Variants in EIF4ENIF1 observed in about 807,000 individuals in gnomAD.
EIF4ENIF1 encodes eukaryotic translation initiation factor 4E nuclear import factor 1.
EIF4ENIF1 carries 23 observed loss-of-function variants against 110.5 expected under a neutral mutation model. The observed-to-expected ratio is 0.21, with a 90% CI of 0.15 to 0.29. The LOEUF is 0.29. EIF4ENIF1 is among the 10% of genes least tolerant of loss of function. The pLI, the probability that EIF4ENIF1 is intolerant of heterozygous loss-of-function variation, is 1.00. For synonymous variants in EIF4ENIF1, 440 were observed against 437.0 expected (o/e 1.01, Z -0.09); for missense variants, 1,031 against 1,221.1 (o/e 0.84, Z 2.32).
intron 6 of EIF4ENIF1, among the ~76,000 whole-genome samples, chr22:31,462,382 C>G (rs2051024103): frequency 6.6e-6 from 1 of 151,824 alleles, no homozygotes; most frequent in East Asian, 2.0e-4. Context: ...ACTCGGGAGG[C>G]TGAGGCAGGG....
chr22:31,483,986 A>C (rs2051924707), intron 2 of EIF4ENIF1, among the ~76,000 whole-genome samples: 1 of 152,216 alleles, frequency 6.6e-6, no homozygotes, highest in African/African-American at 2.4e-5. Context: ...CTCTAACTTG[A>C]GGTCCTAAAA....
chr22:31,454,692 C>T (rs1728707274), intron 9 of EIF4ENIF1, among the ~76,000 whole-genome samples: 1 of 152,164 alleles, frequency 6.6e-6, no homozygotes, highest in South Asian at 2.1e-4. Flanking sequence ...AGACTTGTTA[C>T]CTGGGACAAG....
Position 31,463,012 on chromosome 22 carries a change from G to A in EIF4ENIF1, c.707C>T (p.Thr236Ile). The change falls in exon 6 of 19, where the codon ACT becomes ATT. Residue 236 changes from threonine to isoleucine, a missense_variant. Coordinates refer to ENST00000330125, the MANE Select transcript of EIF4ENIF1 (RefSeq NM_019843.4). ...PTSQSETIEL[T>I]GFDDKILEED... ...TTCTAGTATCTTATCATCAAAGCCA[G>A]TCAGTTCGATGGTTTCAGACTGACT... is the stretch of plus-strand genomic sequence containing the variant. 6.2e-7 allele frequency: 1 copy of A among 1,614,140 alleles called. No homozygotes were observed. The highest frequency in any genetic ancestry group is 1.7e-4 in the Middle Eastern group (1 of 6,060).
intron 14 of EIF4ENIF1, among the ~76,000 whole-genome samples, chr22:31,445,959 C>CA (rs2050455873): frequency 2.0e-5 from 3 of 147,898 alleles, no homozygotes; most frequent in South Asian, 4.6e-4. Context: ...TACCGCCCCC[C>CA]CCCCCCATCT....
At chr22:31,456,025 T>A (rs945862888) in intron 7 of EIF4ENIF1, 38 bp from the exon 8 acceptor site, 1 of 1,603,810 alleles carries the variant, frequency 6.2e-7, no homozygotes, top group Non-Finnish European at 8.5e-7. Flanking sequence ...AGTTTCTAGA[T>A]GAAAAAGGAC....
intron 7 of EIF4ENIF1, among the ~76,000 whole-genome samples, chr22:31,458,247 A>C (rs972395134): frequency 1.2e-4 from 18 of 152,090 alleles, no homozygotes; most frequent in Admixed American, 8.5e-4. Flanking sequence ...AAAACAACAA[A>C]AAAAGAATTT....
chr22:31,444,650 C>T lies in EIF4ENIF1; in HGVS notation c.2029G>A (p.Gly677Arg), dbSNP rs767834390. The change falls in exon 15 of 19, where the codon GGG (glycine) becomes AGG (arginine). Residue 677 changes from glycine to arginine, a missense_variant. By Grantham distance (125) the Gly-to-Arg change is moderately radical (BLOSUM62 -2). This residue lies in a region of EIF4ENIF1 where 704 missense variants were observed against 879.7 expected (regional missense o/e 0.80). Coordinates refer to ENST00000330125, the MANE Select transcript of EIF4ENIF1 (RefSeq NM_019843.4). The part of the protein sequence containing the change: ...VTKSPAPVHR[G>R]NSSSPAPAAS... The stretch of plus-strand genomic sequence containing the variant: ...GCAGGGGCAGGGGAAGAGGAATTCC[C>T]TCGATGCACGGGTGCTGGTGACTTG... 6.2e-7 allele frequency: 1 copy of T among 1,614,112 alleles called. No individual in the cohort carries two copies. The highest frequency in any genetic ancestry group is 8.5e-7 in the Non-Finnish European group (1 of 1,179,992).
chr22:31,475,897 G>C (rs2051554274), intron 2 of EIF4ENIF1, among the ~76,000 whole-genome samples: 1 of 150,684 alleles, frequency 6.6e-6, no homozygotes, highest in African/African-American at 2.4e-5. Flanking sequence ...AGACTCCAGA[G>C]AAATCTTCAG....
Position 31,455,854 on chromosome 22 carries a change from G to A in EIF4ENIF1, c.1097C>T (p.Ala366Val). 6.2e-7 allele frequency: 1 copy of A among 1,613,936 alleles called. No homozygotes were observed. Among genetic ancestry groups the A allele is most frequent in the Non-Finnish European group, 8.5e-7 (1 of 1,179,946 alleles). ...GGCAGAATCTGAAGCCATTTTACCT[G>A]CAAGTCTCTCTAGCTCTTCATGTGG... ...STPHEELERL[A>V]GLEQAILSPG... The change falls in exon 8 of 19, where the codon GCA (alanine) becomes GTA (valine). Residue 366 changes from alanine (A) to valine (V), a missense_variant and splice_region_variant. Transcript: ENST00000330125.
At position 31,443,018 on chromosome 22, in the gene EIF4ENIF1, G is replaced by C. The variant is rs558296966; in HGVS notation, c.2150C>G (p.Ala717Gly). The C allele has an allele frequency of 1.9e-6, 3 of 1,614,026 alleles. No homozygotes were observed. Among genetic ancestry groups the C allele is most frequent in the Non-Finnish European group, 1.7e-6 (2 of 1,180,034 alleles). Residue 717 changes from alanine (A) to glycine (G), a missense_variant, in exon 16 of 19, where the codon GCA (alanine) becomes GGA (glycine). This residue lies in a region of EIF4ENIF1 where 309 missense variants were observed against 299.1 expected (regional missense o/e 1.03). Coordinates refer to ENST00000330125, the MANE Select transcript of EIF4ENIF1 (RefSeq NM_019843.4). ...ESKEKSKEEP[A>G]SGKAALGDSK... is the part of the protein sequence containing the mutation. ...GTCACCAAGAGCTGCTTTTCCAGAT[G>C]CTGGCTCCTCCTTGCTTTTCTCTTT... is the stretch of plus-strand genomic sequence containing the variant.
At chr22:31,455,558 C>T (rs1342850506) in intron 8 of EIF4ENIF1, among the ~76,000 whole-genome samples, 1 of 152,116 alleles carries the variant, frequency 6.6e-6, no homozygotes, top group Non-Finnish European at 1.5e-5. Flanking sequence ...GCCACCACGC[C>T]TGGCTGATTT....
intron 13 of EIF4ENIF1, 117 bp downstream of exon 13, chr22:31,448,036 A>G (rs1287732329): frequency 2.2e-5 from 25 of 1,136,272 alleles, no homozygotes; most frequent in Non-Finnish European, 3.2e-5. Flanking sequence ...GGCATGAGCC[A>G]CTATGCCTGG....
chr22:31,472,744 T>C (rs953338002), intron 2 of EIF4ENIF1, among the ~76,000 whole-genome samples: 2 of 152,230 alleles, frequency 1.3e-5, no homozygotes, highest in African/African-American at 4.8e-5. Flanking sequence ...TTTTGTTACA[T>C]GTATAAACTG....
chr22:31,478,613 C>A (rs2051683482), intron 2 of EIF4ENIF1, among the ~76,000 whole-genome samples: 1 of 151,098 alleles, frequency 6.6e-6, no homozygotes, highest in Non-Finnish European at 1.5e-5. Flanking sequence ...GTCACGAGAT[C>A]GAGACCATCC....
At chr22:31,460,192 TACTATATTTTGAAG>T (rs2050947303) in intron 6 of EIF4ENIF1, among the ~76,000 whole-genome samples, 1 of 152,232 alleles carries the variant, frequency 6.6e-6, no homozygotes, top group Admixed American at 6.5e-5. Context: ...TGGTAATATG[TACTATATTTTGAAG>T]ACTACAAAAG....
At chr22:31,475,082 C>T (rs1238324047) in intron 2 of EIF4ENIF1, among the ~76,000 whole-genome samples, 3 of 152,110 alleles carry the variant, frequency 2.0e-5, no homozygotes, top group Non-Finnish European at 4.4e-5. Context: ...GACAAGATGC[C>T]GCCTTAGGAC....
chr22:31,487,407 A>T (rs900762000), intron 2 of EIF4ENIF1, among the ~76,000 whole-genome samples: 3 of 152,188 alleles, frequency 2.0e-5, no homozygotes, highest in African/African-American at 7.2e-5. Flanking sequence ...TTTATCAAGT[A>T]GGTAAGAGTA....
chr22:31,485,863 C>T (rs1007773103), intron 2 of EIF4ENIF1, among the ~76,000 whole-genome samples: 5 of 152,022 alleles, frequency 3.3e-5, no homozygotes, highest in African/African-American at 1.2e-4. Flanking sequence ...CACCTATAAT[C>T]CCAGCACTTT....
At chr22:31,446,376 G>C (rs140470683) in intron 14 of EIF4ENIF1, among the ~76,000 whole-genome samples, 1 of 151,282 alleles carries the variant, frequency 6.6e-6, no homozygotes, top group Non-Finnish European at 1.5e-5. Context: ...CAGAAAGCAC[G>C]TGAGAGGGGT....
Sources: gnomAD v4.1 joint callset for allele counts (sites outside exome capture counted in the v4.1 genomes callset) on GRCh38, gnomAD v4.1.1 for gene constraint, gnomAD v4.1.1 regional missense constraint, MANE v1.5 for transcripts, NCBI Gene and HGNC (gene_info 2026-07-23, HGNC 2026-07-21) for gene names.